The following LAMA4 variants were observed in gnomAD, a reference collection of about 807,000 sequenced individuals.
LAMA4 encodes the protein laminin subunit alpha 4.
In LAMA4, 127 loss-of-function variants were observed where a neutral mutation model predicts 207.1. The ratio of observed to expected loss-of-function variants is 0.61; its 90% CI spans 0.53 to 0.71. The LOEUF (loss-of-function observed/expected upper bound fraction) is 0.71. LAMA4 is among the 30% of genes least tolerant of loss of function. The pLI is 0.00. For synonymous variants in LAMA4, 761 were observed against 816.0 expected (o/e 0.93, Z 1.15); for missense variants, 2,093 against 2,246.5 (o/e 0.93, Z 1.38).
At chr6:112,140,738 A>G in intron 22 of LAMA4, 22 bp downstream of exon 22, 1 of 1,611,176 alleles carries the variant, frequency 6.2e-7, no homozygotes, top group Non-Finnish European at 8.5e-7. Context: ...GTAATAGGTC[A>G]AAATATAGCT....
chr6:112,190,877 TTCTTTCTTTCTTTCTTTC>T (rs1782984278), intron 6 of LAMA4, among the ~76,000 whole-genome samples: 1 of 42,182 alleles, frequency 2.4e-5, no homozygotes, highest in South Asian at 1.1e-3. Context: ...TTCTTTTTCT[TTCTTTCTTTCTTTCTTTC>T]TTTCTTTCTT....
At chr6:112,130,215 A>G (rs1778949320) in intron 29 of LAMA4, 175 bp from the exon 30 acceptor site, 7 of 612,848 alleles carry the variant, frequency 1.1e-5, no homozygotes, top group Non-Finnish European at 1.7e-5. Flanking sequence ...GGATATTTCT[A>G]TATGCAAAAA....
At chr6:112,165,137 G>T (rs1478394443) in intron 13 of LAMA4, 23 bp downstream of exon 13, 2 of 1,359,424 alleles carry the variant, frequency 1.5e-6, no homozygotes, top group African/African-American at 2.9e-5. Context: ...ATACAAACCT[G>T]AACAAGTCAC....
chr6:112,119,123 G>A (rs1554325150), intron 34 of LAMA4, 33 bp downstream of exon 34: 7 of 1,610,534 alleles, frequency 4.3e-6, no homozygotes, highest in Non-Finnish European at 5.1e-6. Flanking sequence ...GGCTCTAATG[G>A]TCAATGGCTC....
In LAMA4 at chr6:112,150,574, T is replaced by G; in HGVS notation, c.2110A>C (p.Arg704=). The G allele has an allele frequency of 6.2e-7, 1 of 1,614,060 alleles. No individual in the cohort carries two copies. The highest frequency in any genetic ancestry group is 8.5e-7 in the Non-Finnish European group (1 of 1,179,976). Residue 704 remains arginine (R), a synonymous_variant, in exon 17 of 39, where the codon AGG becomes CGG. Transcript: ENST00000230538. ...TSRRVGGALA[R]KSALKTRLSD... ...AGTCTGGTTTTAAGGGCACTTTTCC[T>G]TGCTAGGGCTCCACCCACACGCCTG...
At chr6:112,234,839 T>G (rs1349492898) in intron 2 of LAMA4, 1 of 152,206 alleles carries the variant, frequency 6.6e-6, no homozygotes, top group African/African-American at 2.4e-5. Context: ...AAATACTGTT[T>G]GAGACCAGGA....
At chr6:112,120,679 A>G (rs1427772133) in intron 32 of LAMA4, among the ~76,000 whole-genome samples, 1 of 152,238 alleles carries the variant, frequency 6.6e-6, no homozygotes, top group Non-Finnish European at 1.5e-5. Context: ...ACTTCCTTAT[A>G]CAACAAGGAT....
At position 112,216,897 on chromosome 6, in the gene LAMA4, A is replaced by G. The variant is rs1256540866; in HGVS notation, c.196-428T>C. ...TAAAGAAAGACTTCTCGTTTCAGCA[A>G]TCACTAGCTATAGGAGAGCAACTTA... On this transcript the variant is annotated intron_variant, in intron 2 of 38. Coordinates refer to ENST00000230538, the MANE Select transcript of LAMA4 (RefSeq NM_001105206.3). 13 of 253,778 alleles carry G rather than the reference A, an allele frequency of 5.1e-5. No homozygotes were observed. In the Admixed American group the frequency reaches 6.2e-4, roughly 12 times the overall value. 15.7% of individuals were successfully genotyped at this position (253,778 alleles called of 1,614,324 possible).
intron 9 of LAMA4, chr6:112,178,756 T>C (rs6568720): frequency 0.15 from 24,404 of 161,846 alleles, 2,106 homozygotes; most frequent in East Asian, 0.29. Flanking sequence ...GCTATTCCTA[T>C]ATCATCAGTC....
chr6:112,129,769 C>T (rs1275113861), intron 30 of LAMA4, 107 bp downstream of exon 30: 1 of 907,302 alleles, frequency 1.1e-6, no homozygotes, highest in Non-Finnish European at 1.7e-6. Flanking sequence ...AATTACTATC[C>T]CCTAATGCCT....
At chr6:112,136,706 A>C (rs1233899086) in intron 24 of LAMA4, among the ~76,000 whole-genome samples, 1 of 151,864 alleles carries the variant, frequency 6.6e-6, no homozygotes, top group African/African-American at 2.4e-5. Flanking sequence ...AAAAAAAAAA[A>C]AAGTGACAAC....
intron 2 of LAMA4, chr6:112,216,714 A>C (rs1391845262): frequency 2.0e-6 from 1 of 498,832 alleles, no homozygotes; most frequent in Non-Finnish European, 3.6e-6. Flanking sequence ...AGGAGAACAG[A>C]AATGCCTTTA....
At position 112,118,146 on chromosome 6, in the gene LAMA4, C is replaced by T. The variant is rs1396389803; in HGVS notation, c.4822-248G>A. ...TGGACATTTTTATGTTACACTTTGACACAATAAGTTGCAGCTGTGGTTTTC... is the reference window on the plus strand; with the variant it reads ...TGGACATTTTTATGTTACACTTTGATACAATAAGTTGCAGCTGTGGTTTTC... On this transcript the variant is annotated intron_variant, in intron 34 of 38. Coordinates refer to ENST00000230538, the MANE Select transcript of LAMA4 (RefSeq NM_001105206.3). This position sits in a 1 kb window ranked among gnomAD's most constrained non-coding sequence, Gnocchi z 4.6. Among the ~76,000 whole-genome samples, 1 of 152,172 alleles carries T rather than the reference C, an allele frequency of 6.6e-6. No individual in the cohort carries two copies. Among genetic ancestry groups the T allele is most frequent in the Non-Finnish European group, 1.5e-5 (1 of 68,036 alleles).
chr6:112,172,861 C>T (rs1781805567), intron 11 of LAMA4, 57 bp from the exon 12 acceptor site: 2 of 1,482,694 alleles, frequency 1.3e-6, no homozygotes, highest in Non-Finnish European at 1.9e-6. Flanking sequence ...GCTTCCATTC[C>T]TCCCAGCATT....
chr6:112,141,767 C>T (rs1292346817), intron 20 of LAMA4, among the ~76,000 whole-genome samples: 2 of 152,054 alleles, frequency 1.3e-5, no homozygotes, highest in Non-Finnish European at 2.9e-5. Flanking sequence ...GTGAGGCTAA[C>T]CCAGGAATAT....
chr6:112,148,707 A>AT (rs11308103), intron 17 of LAMA4, among the ~76,000 whole-genome samples: 78 of 151,766 alleles, frequency 5.1e-4, no homozygotes, highest in African/African-American at 1.8e-3. Flanking sequence ...AAAGAAAGAT[A>AT]TTTTTTTAAT....
rs2062516141 is a variant in LAMA4, at chr6:112,139,874, G to A, written c.2988C>T (p.Ser996=). 5.6e-6 allele frequency: 9 copies of A among 1,613,928 alleles called. No homozygotes were observed. The highest frequency in any genetic ancestry group is 7.6e-6 in the Non-Finnish European group (9 of 1,179,948). Reference sequence around the variant, plus strand: ...AGCCAACAAAGCCAGGCAGGTTTAAGCTGGTAGGGAGCTATGCAATAGAAA... The same window carrying A: ...AGCCAACAAAGCCAGGCAGGTTTAAACTGGTAGGGAGCTATGCAATAGAAA... The part of the protein sequence containing the change: ...GVPSNFKLPT[S]LNLPGFVGCL... The change falls in exon 23 of 39, where the codon AGC becomes AGT. Residue 996 remains serine, a synonymous_variant. Coordinates refer to ENST00000230538, the MANE Select transcript of LAMA4 (RefSeq NM_001105206.3).
In LAMA4 at chr6:112,157,153, G is replaced by A. The variant is rs78162304; in HGVS notation, c.1818-1447C>T. Among the ~76,000 whole-genome samples the A allele has an allele frequency of 8.0e-3, 1,215 of 152,112 alleles. 11 individuals carry two copies. The highest frequency in any genetic ancestry group is 0.028 in the African/African-American group (1,157 of 41,496). ...TCCCCACAACCCCTTCTGAGAAAAT[G>A]GCCTCAGATAGCAAAATCTGGGGAA... On this transcript the variant is annotated intron_variant, in intron 14 of 38. Coordinates refer to ENST00000230538, the MANE Select transcript of LAMA4 (RefSeq NM_001105206.3).
chr6:112,220,022 A>G (rs1784837554), intron 2 of LAMA4, among the ~76,000 whole-genome samples: 1 of 152,172 alleles, frequency 6.6e-6, no homozygotes, highest in South Asian at 2.1e-4. Context: ...TGCTATTAAC[A>G]TTTCAAAGCA....
Sources: gnomAD v4.1 joint callset for allele counts (sites outside exome capture counted in the v4.1 genomes callset) on GRCh38, gnomAD v4.1.1 for gene constraint, Gnocchi (gnomAD v3.1) non-coding constraint, MANE v1.5 for transcripts, NCBI Gene and HGNC (gene_info 2026-07-23, HGNC 2026-07-21) for gene names.